LRP1B: variants seen among roughly 807,000 people sequenced by gnomAD.
LRP1B encodes the protein low-density lipoprotein receptor-related protein 1B.
Under a neutral mutation model 556.6 loss-of-function variants are expected in LRP1B, and 217 were observed. The observed-to-expected ratio is 0.39, with a 90% CI of 0.35 to 0.44. The LOEUF (loss-of-function observed/expected upper bound fraction) is 0.44, where lower values mean the gene tolerates loss of function less well. Ranked by LOEUF, LRP1B falls within the 20% of genes least tolerant of loss-of-function variation. LRP1B has a pLI of 1.00. For synonymous variants in LRP1B, 2,047 were observed against 1,865.8 expected (o/e 1.10, Z -2.50); for missense variants, 5,053 against 5,620.8 (o/e 0.90, Z 3.23).
At chr2:140,400,922 G>C (rs1193188124) in intron 66 of LRP1B, among the ~76,000 whole-genome samples, 1 of 152,126 alleles carries the variant, frequency 6.6e-6, no homozygotes, top group African/African-American at 2.4e-5. Context: ...TTTAGAGAGT[G>C]GTAAAAAAGA....
intron 41 of LRP1B, among the ~76,000 whole-genome samples, chr2:140,651,696 A>G (rs1226664967): frequency 2.0e-5 from 3 of 152,080 alleles, no homozygotes; most frequent in African/African-American, 2.4e-5. Context: ...AAAATACCAC[A>G]TGACCTAGAA....
rs1366758156 is a variant in LRP1B, at chr2:140,695,077, TGGTGG to T, written c.6799+5168_6799+5172del. On this transcript the variant is annotated intron_variant, in intron 41 of 90. Coordinates refer to ENST00000389484, the MANE Select transcript of LRP1B (RefSeq NM_018557.3). Reference sequence around the variant, plus strand: ...TTTTCATTTTCATTCATCTTCTGCTTGGTGGGGTTTTTTAAGCTGTCTTTCTTAAG... The same window carrying T: ...TTTTCATTTTCATTCATCTTCTGCTTGGTTTTTTAAGCTGTCTTTCTTAAG... 3.3e-5 allele frequency among the ~76,000 whole-genome samples: 5 copies of T among 151,604 alleles called. No individual in the cohort carries two copies. In the East Asian group the frequency reaches 9.8e-4, roughly 30 times the overall value.
chr2:140,853,924 TG>T (rs1291859186), intron 27 of LRP1B, among the ~76,000 whole-genome samples: 1 of 150,566 alleles, frequency 6.6e-6, no homozygotes, highest in Admixed American at 6.6e-5. Flanking sequence ...AGAAAGTAGG[TG>T]GGAAGGGAAG....
At position 141,395,078 on chromosome 2, in the gene LRP1B, C is replaced by T. The variant is rs369105872; in HGVS notation, c.343+85318G>A. The stretch of plus-strand genomic sequence containing the variant: ...TTATAACAAAGCTGAAAATGTCCTA[C>T]CACCTAGTAATGTCATAGCTGTTGT... On this transcript the variant is annotated intron_variant, in intron 3 of 90. Coordinates refer to ENST00000389484, the MANE Select transcript of LRP1B (RefSeq NM_018557.3). Among the ~76,000 whole-genome samples the T allele has an allele frequency of 9.2e-4, 140 of 152,148 alleles. 2 individuals are homozygous for T. In the South Asian group the frequency reaches 0.028, roughly 31 times the overall value.
intron 3 of LRP1B, among the ~76,000 whole-genome samples, chr2:141,436,933 A>G (rs1405741038): frequency 2.0e-5 from 3 of 152,138 alleles, no homozygotes; most frequent in Non-Finnish European, 4.4e-5. Context: ...TGAGAATAAT[A>G]TATTGTGCTG....
chr2:140,723,467 A>G (rs1687485941), intron 35 of LRP1B, among the ~76,000 whole-genome samples: 1 of 152,230 alleles, frequency 6.6e-6, no homozygotes, highest in Non-Finnish European at 1.5e-5. Context: ...GGAGTCATCA[A>G]GAAAGTTAAA....
intron 30 of LRP1B, 41 bp downstream of exon 30, chr2:140,840,877 T>C (rs760769999): frequency 8.3e-6 from 12 of 1,442,042 alleles, no homozygotes; most frequent in African/African-American, 3.7e-5. Context: ...CAAAAGTCTA[T>C]GAAATTTTGG....
At chr2:141,577,184 G>C (rs1447147466) in intron 2 of LRP1B, among the ~76,000 whole-genome samples, 3 of 152,088 alleles carry the variant, frequency 2.0e-5, no homozygotes, top group Admixed American at 6.5e-5. Flanking sequence ...AGATTGCATA[G>C]GATGAAAAAT....
rs544951369 is a variant in LRP1B, at chr2:140,474,620, G to A, written c.9625+518C>T. Among the ~76,000 whole-genome samples, 8 of 151,964 alleles carry A rather than the reference G, an allele frequency of 5.3e-5. No homozygotes were observed. In the South Asian group the frequency reaches 1.4e-3, roughly 28 times the overall value. On this transcript the variant is annotated intron_variant, in intron 60 of 90. Coordinates refer to ENST00000389484, the MANE Select transcript of LRP1B (RefSeq NM_018557.3). ...GTGGCTTCTGCTATATCCGTGTCATGTTTAACTATACGTGACATCTTCTCT... is the reference window on the plus strand; with the variant it reads ...GTGGCTTCTGCTATATCCGTGTCATATTTAACTATACGTGACATCTTCTCT...
Position 140,701,816 on chromosome 2 carries a change from C to A in LRP1B, c.6332G>T (p.Gly2111Val), listed in dbSNP as rs2105426394. The A allele has an allele frequency of 1.2e-6, 2 of 1,613,140 alleles. No individual in the cohort carries two copies. Among genetic ancestry groups the A allele is most frequent in the Non-Finnish European group, 1.7e-6 (2 of 1,179,390 alleles). Residue 2111 changes from glycine to valine, a missense_variant, in exon 40 of 91, where the codon GGC (glycine) becomes GTC (valine). Gly to Val is a moderately radical substitution (Grantham distance 109). Transcript: ENST00000389484. ...CGTTTCTGTGGCATCATTCTTGTGG[C>A]CCCTTCTGACAGACCCGTTTGCATG... The part of the protein sequence containing the change: ...RAHANGSVRR[G>V]HKNDATETIT...
At chr2:140,392,612 C>A (rs916102570) in intron 66 of LRP1B, among the ~76,000 whole-genome samples, 1 of 151,978 alleles carries the variant, frequency 6.6e-6, no homozygotes, top group Non-Finnish European at 1.5e-5. Flanking sequence ...CTCAGCCTCC[C>A]AAGTAGCTGG....
At chr2:140,831,142 C>T (rs181475534) in intron 31 of LRP1B, among the ~76,000 whole-genome samples, 5 of 152,090 alleles carry the variant, frequency 3.3e-5, no homozygotes, top group African/African-American at 1.2e-4. Context: ...CAAAGCTACC[C>T]ACAGATTATA....
intron 60 of LRP1B, among the ~76,000 whole-genome samples, chr2:140,461,617 CT>C (rs1687322043): frequency 6.6e-6 from 1 of 151,998 alleles, no homozygotes; most frequent in Non-Finnish European, 1.5e-5. Flanking sequence ...AGCTGATCAC[CT>C]GAGGTCAGGA....
rs1353304401 is a variant in LRP1B at position 140,700,446 on chromosome 2, A to G, written c.6603T>C (p.His2201=). 6.2e-7 allele frequency: 1 copy of G among 1,613,374 alleles called. No homozygotes were observed. Among genetic ancestry groups the G allele is most frequent in the Admixed American group, 1.7e-5 (1 of 59,906 alleles). Residue 2201 remains histidine, a synonymous_variant, in exon 41 of 91, where the codon CAT becomes CAC. Transcript: ENST00000389484. ...YSGRTILKSI[H]LSDETNLNSP... is the part of the protein sequence containing the mutation. ...AATTTAAATTGGTTTCATCAGAAAG[A>G]TGTATACTTTTTAATATTGTTCTTC... is the stretch of plus-strand genomic sequence containing the variant.
At chr2:140,595,106 A>ATATATATC (rs1682385260) in intron 43 of LRP1B, among the ~76,000 whole-genome samples, 2 of 42,442 alleles carry the variant, frequency 4.7e-5, no homozygotes, top group South Asian at 5.4e-4. Flanking sequence ...ATATATATAT[A>ATATATATC]TATATATATA....
intron 60 of LRP1B, among the ~76,000 whole-genome samples, chr2:140,468,147 C>T (rs186068628): frequency 6.6e-5 from 10 of 150,952 alleles, no homozygotes; most frequent in Non-Finnish European, 1.5e-4. Flanking sequence ...AGAACAATTT[C>T]GAGGCTCTCT....
intron 6 of LRP1B, among the ~76,000 whole-genome samples, chr2:141,210,712 G>A (rs2105250805): frequency 6.6e-6 from 1 of 152,182 alleles, no homozygotes; most frequent in East Asian, 1.9e-4. Context: ...TACTAACTTT[G>A]AGAATAATGA....
intron 86 of LRP1B, among the ~76,000 whole-genome samples, chr2:140,266,850 G>T (rs1359868008): frequency 6.6e-6 from 1 of 151,946 alleles, no homozygotes; most frequent in East Asian, 1.9e-4. Flanking sequence ...ATTAGCAAAT[G>T]ATATTTTAAT....
intron 2 of LRP1B, among the ~76,000 whole-genome samples, chr2:141,608,459 C>T (rs1351524593): frequency 2.0e-5 from 3 of 152,120 alleles, no homozygotes; most frequent in South Asian, 2.1e-4. Flanking sequence ...ATATCTGCTA[C>T]GGTGAGCAGA....
Sources: gnomAD v4.1 joint callset for allele counts (sites outside exome capture counted in the v4.1 genomes callset) on GRCh38, gnomAD v4.1.1 for gene constraint, MANE v1.5 for transcripts, NCBI Gene and HGNC (gene_info 2026-07-23, HGNC 2026-07-21) for gene names.